The following ROBO2 variants were observed in gnomAD, a reference collection of about 807,000 sequenced individuals.
ROBO2 encodes roundabout guidance receptor 2, also known as roundabout homolog 2.
Under a neutral mutation model 160.8 loss-of-function variants are expected in ROBO2, and 53 were observed. The ratio of observed to expected loss-of-function variants is 0.33; its 90% CI spans 0.26 to 0.41. ROBO2 has a LOEUF of 0.41. ROBO2 is among the 10% of genes least tolerant of loss of function. The pLI is 1.00. For missense variants in ROBO2, 1,577 were observed against 1,722.4 expected (o/e 0.92, Z 1.49); for synonymous variants, 664 against 611.7 (o/e 1.09, Z -1.26).
rs960819764 is a variant in ROBO2, at chr3:76,079,141, T to C, written c.109+141539T>C. The stretch of plus-strand genomic sequence containing the variant: ...TAGGAAAACAATGGTTATAATAAAC[T>C]GGGAAGGGTAGTGAAGAAACAAGTT... On this transcript the variant is annotated intron_variant, in intron 2 of 26. Transcript: ENST00000487694. 2.6e-5 allele frequency among the ~76,000 whole-genome samples: 4 copies of C among 152,264 alleles called. No individual in the cohort carries two copies. The East Asian group carries it at 7.7e-4, about 29-fold the overall frequency.
chr3:76,448,943 A>C (rs1000001121), intron 2 of ROBO2, among the ~76,000 whole-genome samples: 4 of 152,092 alleles, frequency 2.6e-5, no homozygotes, highest in African/African-American at 9.7e-5. Context: ...AAGAAACAGC[A>C]GCTTTGAGAC....
chr3:75,951,810 A>G (rs1948546927), intron 2 of ROBO2, among the ~76,000 whole-genome samples: 1 of 152,064 alleles, frequency 6.6e-6, no homozygotes, highest in South Asian at 2.1e-4. Context: ...ATGCAATAAA[A>G]ATGTCCAAAT....
chr3:77,516,581 T>A (rs1240616783), intron 5 of ROBO2, among the ~76,000 whole-genome samples: 1 of 151,592 alleles, frequency 6.6e-6, no homozygotes, highest in Non-Finnish European at 1.5e-5. Flanking sequence ...AATTATTTAT[T>A]TGTTCATGTT....
chr3:76,531,826 T>C (rs1036896360), intron 2 of ROBO2, among the ~76,000 whole-genome samples: 1 of 152,166 alleles, frequency 6.6e-6, no homozygotes, highest in Non-Finnish European at 1.5e-5. Flanking sequence ...ACTGAATGTA[T>C]TTTATGCACC....
chr3:77,111,489 A>G (rs1414335370), intron 2 of ROBO2, among the ~76,000 whole-genome samples: 2 of 152,190 alleles, frequency 1.3e-5, no homozygotes, highest in Non-Finnish European at 2.9e-5. Context: ...TTAAATATTG[A>G]TGAATTCATA....
At position 77,594,466 on chromosome 3, in the gene ROBO2, G is replaced by C. The variant is rs146696192; in HGVS notation, c.2684-676G>C. On this transcript the variant is annotated intron_variant, in intron 17 of 25. Transcript: ENST00000461745. ...GCTGTGGCTCTGGTGGATGCTTATT[G>C]GTGTTGCTAATAAGTTCCATAGTTA... is the stretch of plus-strand genomic sequence containing the variant. Among the ~76,000 whole-genome samples the C allele has an allele frequency of 5.4e-3, 814 of 152,134 alleles. 4 individuals carry two copies. Among genetic ancestry groups the C allele is most frequent in the African/African-American group, 0.019 (774 of 41,502 alleles).
At chr3:76,665,684 A>C (rs1208296126) in intron 2 of ROBO2, among the ~76,000 whole-genome samples, 2 of 151,380 alleles carry the variant, frequency 1.3e-5, no homozygotes, top group Admixed American at 1.3e-4. Flanking sequence ...TTGGTTCTTG[A>C]CACTATGAAT....
intron 2 of ROBO2, among the ~76,000 whole-genome samples, chr3:76,267,122 A>G (rs1254032884): frequency 6.6e-6 from 1 of 152,154 alleles, no homozygotes; most frequent in Admixed American, 6.6e-5. Context: ...TCACAGCATA[A>G]AACCATTTTG....
intron 2 of ROBO2, among the ~76,000 whole-genome samples, chr3:76,633,286 C>A (rs2090134676): frequency 6.6e-6 from 1 of 152,080 alleles, no homozygotes; most frequent in Non-Finnish European, 1.5e-5. Flanking sequence ...TATCTCCCCA[C>A]CCCCGCACAT....
At chr3:77,427,004 G>A (rs1307796799) in intron 2 of ROBO2, among the ~76,000 whole-genome samples, 5 of 151,764 alleles carry the variant, frequency 3.3e-5, no homozygotes, top group Admixed American at 6.6e-5. Context: ...TGCTAACAGC[G>A]AACTTCATAT....
At chr3:77,580,033 C>A in exon 16 of ROBO2, 1 of 1,613,132 alleles carries the variant, frequency 6.2e-7, no homozygotes, top group Non-Finnish European at 8.5e-7. Context: ...GTGGATTATT[C>A]CCAGGTATTC....
intron 2 of ROBO2, among the ~76,000 whole-genome samples, chr3:76,279,528 A>C (rs1404574033): frequency 2.6e-5 from 4 of 151,978 alleles, no homozygotes; most frequent in Non-Finnish European, 4.4e-5. Context: ...TATAGTTATC[A>C]ATTGAGTAAA....
chr3:76,101,246 TAATC>T (rs1028255617), intron 2 of ROBO2, among the ~76,000 whole-genome samples: 25 of 152,272 alleles, frequency 1.6e-4, no homozygotes, highest in South Asian at 4.1e-4. Flanking sequence ...GGTATAATGT[TAATC>T]AATATTATCA....
At chr3:76,965,578 C>T (rs2080004904) in intron 2 of ROBO2, among the ~76,000 whole-genome samples, 1 of 151,656 alleles carries the variant, frequency 6.6e-6, no homozygotes, top group Non-Finnish European at 1.5e-5. Context: ...GCTTCAGAAT[C>T]CAAATCTTTG....
At chr3:76,052,508 G>A (rs1465585832) in intron 2 of ROBO2, among the ~76,000 whole-genome samples, 3 of 151,514 alleles carry the variant, frequency 2.0e-5, no homozygotes, top group African/African-American at 7.3e-5. Flanking sequence ...TTGTTAAACT[G>A]CATGATACAC....
chr3:76,452,791 A>G (rs1347287820), intron 2 of ROBO2, among the ~76,000 whole-genome samples: 1 of 152,036 alleles, frequency 6.6e-6, no homozygotes, highest in Non-Finnish European at 1.5e-5. Flanking sequence ...AGTCCCACCA[A>G]CAGTGTAAAA....
chr3:77,200,316 TATATA>T lies in ROBO2; in HGVS notation c.388+101977_388+101981del, dbSNP rs2082773367. ...ATATATATATATATATATATATATA[TATATA>T]TTTTAGTTTCTATAGGTAAAGGGAA... On this transcript the variant is annotated intron_variant, in intron 2 of 25. Coordinates refer to ENST00000461745, the Ensembl canonical transcript of ROBO2. Among the ~76,000 whole-genome samples the T allele has an allele frequency of 2.4e-4, 19 of 78,662 alleles. No individual in the cohort carries two copies. In the South Asian group the frequency reaches 4.1e-3, roughly 17 times the overall value. 51.6% of individuals were successfully genotyped at this position (78,662 alleles called of 152,430 possible).
chr3:76,838,100 G>A (rs907075977), intron 2 of ROBO2, among the ~76,000 whole-genome samples: 1 of 152,170 alleles, frequency 6.6e-6, no homozygotes, highest in South Asian at 2.1e-4. Context: ...GGATGGAGCT[G>A]GTGGCTATTA....
chr3:77,076,218 C>A (rs1339929903), intron 1 of ROBO2, among the ~76,000 whole-genome samples: 1 of 151,884 alleles, frequency 6.6e-6, no homozygotes, highest in Admixed American at 6.6e-5. Context: ...TATATAAATT[C>A]TGTATTTTCT....
Sources: allele counts gnomAD v4.1 joint callset (sites outside exome capture counted in the v4.1 genomes callset), GRCh38; gene constraint gnomAD v4.1.1; transcripts MANE v1.5; gene names NCBI Gene and HGNC (gene_info 2026-07-23, HGNC 2026-07-21).